MAPK9: variants seen among roughly 807,000 people sequenced by gnomAD.
The protein encoded by MAPK9 is mitogen-activated protein kinase 9.
In MAPK9, 30 loss-of-function variants were observed where a neutral mutation model predicts 57.1. The observed-to-expected ratio is 0.53, with a 90% CI of 0.39 to 0.71. MAPK9 has a LOEUF of 0.71. MAPK9 is among the 30% of genes least tolerant of loss of function. MAPK9 has a pLI of 0.00. For missense variants in MAPK9, 362 were observed against 521.0 expected (o/e 0.69, Z 2.97); for synonymous variants, 155 against 177.0 (o/e 0.88, Z 0.99).
chr5:180,267,303 T>C (rs1003091134), intron 3 of MAPK9, among the ~76,000 whole-genome samples: 7 of 152,074 alleles, frequency 4.6e-5, no homozygotes, highest in African/African-American at 7.2e-5. Context: ...GGCTCACGCC[T>C]GTAATCCCAG....
Position 180,242,610 on chromosome 5 carries a change from C to A in MAPK9, c.834G>T (p.Trp278Cys). The A allele has an allele frequency of 6.2e-7, 1 of 1,613,998 alleles. No homozygotes were observed. The highest frequency in any genetic ancestry group is 8.5e-7 in the Non-Finnish European group (1 of 1,179,938). The change falls in exon 8 of 12, where the codon TGG becomes TGT. Residue 278 changes from tryptophan (W) to cysteine (C), a missense_variant. This residue lies in a region of MAPK9 where 199 missense variants were observed against 251.3 expected (regional missense o/e 0.79). Transcript: ENST00000452135. Reference protein sequence around the residue: ...GIKFEELFPDWIFPSESERDK... With the variant: ...GIKFEELFPDCIFPSESERDK... ...CTCGCTCAGATTCTGATGGGAATATCCAATCTGGAAAGAGTTCTTCAAATT... is the reference window on the plus strand; with the variant it reads ...CTCGCTCAGATTCTGATGGGAATATACAATCTGGAAAGAGTTCTTCAAATT...
chr5:180,284,705 T>C (rs570900109), intron 1 of MAPK9, among the ~76,000 whole-genome samples: 81 of 152,372 alleles, frequency 5.3e-4, no homozygotes, highest in African/African-American at 1.9e-3. Flanking sequence ...TTTGTAACAC[T>C]TCTTGTAACA....
At chr5:180,284,845 T>C (rs1762603175) in intron 1 of MAPK9, among the ~76,000 whole-genome samples, 1 of 152,088 alleles carries the variant, frequency 6.6e-6, no homozygotes, top group South Asian at 2.1e-4. Context: ...ATGTCTAAGA[T>C]ACAGAAAGGA....
Position 180,264,842 on chromosome 5 carries a change from G to T in MAPK9, c.253-3C>A. The T allele has an allele frequency of 6.6e-7, 1 of 1,525,942 alleles. No individual in the cohort carries two copies. The highest frequency in any genetic ancestry group is 1.2e-5 in the South Asian group (1 of 81,146). 94.5% of individuals were successfully genotyped at this position (1,525,942 alleles called of 1,614,324 possible). A position where few individuals can be genotyped will look rare whatever the true frequency, so the allele number is the denominator to read the frequency against. On this transcript the variant is annotated splice_polypyrimidine_tract_variant and splice_region_variant and intron_variant, in intron 3 of 11. Coordinates refer to ENST00000452135, the MANE Select transcript of MAPK9 (RefSeq NM_002752.5). Reference sequence around the variant, plus strand: ...AACACATTTAACAAACTAATTATCTGAAAAGAGAAAATTAATTATACTTCA... The same window carrying T: ...AACACATTTAACAAACTAATTATCTTAAAAGAGAAAATTAATTATACTTCA...
At chr5:180,284,916 A>T (rs1187101978) in intron 1 of MAPK9, among the ~76,000 whole-genome samples, 1 of 152,224 alleles carries the variant, frequency 6.6e-6, no homozygotes, top group Non-Finnish European at 1.5e-5. Flanking sequence ...ACACACACGC[A>T]TACACACGCA....
At chr5:180,274,602 G>T (rs949836639) in intron 2 of MAPK9, among the ~76,000 whole-genome samples, 3 of 152,202 alleles carry the variant, frequency 2.0e-5, no homozygotes, top group Non-Finnish European at 4.4e-5. Flanking sequence ...CTGCCAACAG[G>T]CTGAAGGAGC....
intron 4 of MAPK9, among the ~76,000 whole-genome samples, chr5:180,264,126 CT>C (rs1561817647): frequency 6.6e-6 from 1 of 152,184 alleles, no homozygotes; most frequent in Non-Finnish European, 1.5e-5. Flanking sequence ...TTTTGATCCC[CT>C]GACCCAGCTC....
chr5:180,256,563 T>C (rs183552819), intron 5 of MAPK9, among the ~76,000 whole-genome samples: 144 of 151,956 alleles, frequency 9.5e-4, no homozygotes, highest in Non-Finnish European at 1.5e-3. Context: ...GGGAACAAGG[T>C]GACAGGGAGG....
rs373601817 is a variant in MAPK9, at chr5:180,242,588, G to A, written c.856C>T (p.Arg286Ter). 4.3e-6 allele frequency: 7 copies of A among 1,611,564 alleles called. No homozygotes were observed. The African/African-American group carries it at 5.3e-5, about 12-fold the overall frequency. The change falls in exon 8 of 12, where the codon CGA (arginine) becomes TGA (stop). Residue 286 changes from arginine to a stop codon, truncating the protein, a stop_gained. Coordinates refer to ENST00000452135, the MANE Select transcript of MAPK9 (RefSeq NM_002752.5). LOFTEE classifies it high-confidence loss of function. ...GATATCTTACTTTTTATTTTGTCTC[G>A]CTCAGATTCTGATGGGAATATCCAA... ...PDWIFPSESE[R>*]DKIKTSQARD...
intron 1 of MAPK9, among the ~76,000 whole-genome samples, chr5:180,284,898 G>A (rs3095946): frequency 0.28 from 42,355 of 152,052 alleles, 6,412 homozygotes; most frequent in East Asian, 0.41. Flanking sequence ...GCCCAGCTAC[G>A]TAAACACACA....
At chr5:180,243,579 TA>T (rs1642664602) in intron 7 of MAPK9, among the ~76,000 whole-genome samples, 1 of 152,174 alleles carries the variant, frequency 6.6e-6, no homozygotes, top group Admixed American at 6.5e-5. Flanking sequence ...AACAGCAGCT[TA>T]AAAAAGTGCT....
chr5:180,247,827 C>T lies in MAPK9; in HGVS notation c.617-317G>A, dbSNP rs1459417113. The T allele has an allele frequency of 1.2e-6, 2 of 1,612,610 alleles. No homozygotes were observed. The highest frequency in any genetic ancestry group is 1.7e-6 in the Non-Finnish European group (2 of 1,178,828). Reference sequence around the variant, plus strand: ...ACACGCCCACCCCAGCCTCCATGGCCAAGTACCGGGTCCCCTGTGAAGGAT... The same window carrying T: ...ACACGCCCACCCCAGCCTCCATGGCTAAGTACCGGGTCCCCTGTGAAGGAT... On this transcript the variant is annotated intron_variant, in intron 6 of 11. Coordinates refer to ENST00000452135, the MANE Select transcript of MAPK9 (RefSeq NM_002752.5). This position sits in a 1 kb window ranked among gnomAD's most constrained non-coding sequence, Gnocchi z 4.5.
intron 1 of MAPK9, among the ~76,000 whole-genome samples, chr5:180,284,356 C>G (rs570963325): frequency 6.6e-6 from 1 of 152,358 alleles, no homozygotes; most frequent in South Asian, 2.1e-4. Flanking sequence ...CTTGTGCACT[C>G]AGCAGCGCCC....
chr5:180,236,815 C>A (rs925929215), intron 11 of MAPK9: 3 of 228,794 alleles, frequency 1.3e-5, no homozygotes, highest in African/African-American at 6.8e-5. Flanking sequence ...TTAAAAAATA[C>A]CTGCTGCTTT....
intron 8 of MAPK9, 68 bp downstream of exon 8, chr5:180,242,505 A>G: frequency 7.0e-7 from 1 of 1,434,226 alleles, no homozygotes; most frequent in Middle Eastern, 1.8e-4. Context: ...TTTAGAATAC[A>G]AACATGAAAG....
intron 3 of MAPK9, 140 bp downstream of exon 3, chr5:180,269,140 A>G: frequency 3.1e-6 from 3 of 955,360 alleles, no homozygotes; most frequent in Non-Finnish European, 4.6e-6. Flanking sequence ...AAAAAACAAA[A>G]AACAAAAAAC....
In MAPK9 at chr5:180,241,102, G is replaced by A. The variant is rs1326204240; in HGVS notation, c.925C>T (p.Arg309Trp). 1.2e-6 allele frequency: 2 copies of A among 1,613,870 alleles called. No homozygotes were observed. The highest frequency in any genetic ancestry group is 1.3e-5 in the African/African-American group (1 of 74,896). The change falls in exon 9 of 12, where the codon CGG becomes TGG. Residue 309 changes from arginine to tryptophan, a missense_variant. Arg to Trp is a moderately radical substitution (Grantham distance 101). Coordinates refer to ENST00000452135, the MANE Select transcript of MAPK9 (RefSeq NM_002752.5). ...CGCAGAGCTTCGTCTACAGAGATCC[G>A]CTTGTCAGGATCAATCACTAACATT... ...SKMLVIDPDK[R>W]ISVDEALRHP...
chr5:180,249,061 C>A lies in MAPK9; in HGVS notation c.528G>T (p.Ala176=). 1.9e-6 allele frequency: 3 copies of A among 1,614,082 alleles called. No individual in the cohort carries two copies. The highest frequency in any genetic ancestry group is 2.5e-6 in the Non-Finnish European group (3 of 1,179,970). ...AAGGGGTCATCATGAAGTTAGTGCA[C>A]GCTGTCCGGGCCAGGCCAAAGTCAA... ...KILDFGLART[A]CTNFMMTPYV... Residue 176 remains alanine (A), a synonymous_variant, in exon 6 of 12, where the codon GCG becomes GCT. Transcript: ENST00000452135.
intron 9 of MAPK9, among the ~76,000 whole-genome samples, chr5:180,240,622 T>A (rs1269645997): frequency 6.6e-6 from 1 of 152,158 alleles, no homozygotes; most frequent in African/African-American, 2.4e-5. Context: ...GTGGAGCTCC[T>A]CCAGCGGGGG....
Sources: allele counts gnomAD v4.1 joint callset (sites outside exome capture counted in the v4.1 genomes callset), GRCh38; gene constraint gnomAD v4.1.1; regional missense constraint gnomAD v4.1.1; non-coding constraint Gnocchi (gnomAD v3.1); transcripts MANE v1.5; gene names NCBI Gene and HGNC (gene_info 2026-07-23, HGNC 2026-07-21).